Variants in LPAR6 observed in about 807,000 individuals in gnomAD.
The protein encoded by LPAR6 is lysophosphatidic acid receptor 6.
LPAR6 carries 17 observed loss-of-function variants against 22.0 expected under a neutral mutation model. The ratio of observed to expected loss-of-function variants is 0.77; its 90% CI spans 0.53 to 1.16. LPAR6 has a LOEUF of 1.16. LPAR6 is among the 50% of genes most tolerant of loss of function. The pLI, the probability that LPAR6 is intolerant of heterozygous loss-of-function variation, is 0.00. For missense variants in LPAR6, 384 were observed against 406.9 expected (o/e 0.94, Z 0.48); for synonymous variants, 136 against 139.8 (o/e 0.97, Z 0.19).
intron 1 of LPAR6, among the ~76,000 whole-genome samples, chr13:48,434,564 A>C (rs1473944830): frequency 3.3e-5 from 5 of 152,104 alleles, no homozygotes; most frequent in Non-Finnish European, 5.9e-5. Flanking sequence ...AAGTCTCTTT[A>C]ACCCTACAGC....
At chr13:48,391,275 C>T (rs2138159381) in intron 1 of LPAR6, 1 of 152,318 alleles carries the variant, frequency 6.6e-6, no homozygotes, top group African/African-American at 2.4e-5. Context: ...TGTTGTCATA[C>T]ATTTTGCTTC....
At chr13:48,408,377 C>T (rs1355609787), downstream of LPAR6, among the ~76,000 whole-genome samples, 1 of 151,914 alleles carries the variant, frequency 6.6e-6, no homozygotes, top group African/African-American at 2.4e-5. Flanking sequence ...AGCCATTTTT[C>T]CACACCTGAA....
chr13:48,410,811 T>C (rs1204146398), downstream of LPAR6, among the ~76,000 whole-genome samples: 1 of 152,172 alleles, frequency 6.6e-6, no homozygotes, highest in Non-Finnish European at 1.5e-5. Flanking sequence ...CAAAATGTTA[T>C]CAATGTGTTA....
At position 48,411,745 on chromosome 13, in the gene LPAR6, C is replaced by T. The variant is rs1948808413; in HGVS notation, c.679G>A (p.Val227Ile). Residue 227 changes from valine to isoleucine, a missense_variant, in exon 1 of 1, where the codon GTT (valine) becomes ATT (isoleucine). By Grantham distance (29) the Val-to-Ile change is conservative. Coordinates refer to ENST00000620633, the MANE Select transcript of LPAR6 (RefSeq NM_001162498.3). ...AAATGTACAAAAATCATTTTTAAAA[C>T]CTTAGTTTTGTTTATTTTGCTTCTA... ...LSRSKINKTK[V>I]LKMIFVHLII... The T allele has an allele frequency of 6.2e-7, 1 of 1,609,774 alleles. No individual in the cohort carries two copies. The highest frequency in any genetic ancestry group is 1.3e-5 in the African/African-American group (1 of 74,898).
chr13:48,406,067 G>A (rs941294427), downstream of LPAR6, among the ~76,000 whole-genome samples: 8 of 151,204 alleles, frequency 5.3e-5, no homozygotes, highest in Admixed American at 4.0e-4. Flanking sequence ...CCAGTATTTT[G>A]CAATTTCAAC....
downstream of LPAR6, among the ~76,000 whole-genome samples, chr13:48,407,150 T>C (rs751425026): frequency 2.6e-5 from 4 of 152,240 alleles, no homozygotes; most frequent in Non-Finnish European, 4.4e-5. Flanking sequence ...CAACACATAA[T>C]TGTTTCTTAC....
chr13:48,440,773 A>G (rs1949229210), intron 1 of LPAR6, among the ~76,000 whole-genome samples: 1 of 152,182 alleles, frequency 6.6e-6, no homozygotes, highest in Non-Finnish European at 1.5e-5. Flanking sequence ...CTTTTCATTT[A>G]AAAAATTAAT....
intron 1 of LPAR6, among the ~76,000 whole-genome samples, chr13:48,404,684 G>A (rs554172772): frequency 1.3e-4 from 19 of 151,884 alleles, no homozygotes; most frequent in Non-Finnish European, 2.4e-4. Flanking sequence ...GAGACAACGC[G>A]CCCAGATAAT....
intron 1 of LPAR6, among the ~76,000 whole-genome samples, chr13:48,433,357 A>G (rs1217310572): frequency 1.3e-5 from 2 of 152,158 alleles, no homozygotes; most frequent in African/African-American, 4.8e-5. Context: ...TTTTAAAATT[A>G]TCTTTGATTA....
chr13:48,441,621 T>C (rs921135170), intron 1 of LPAR6, among the ~76,000 whole-genome samples: 3 of 152,152 alleles, frequency 2.0e-5, no homozygotes, highest in African/African-American at 4.8e-5. Flanking sequence ...TTTTTAATAG[T>C]GTTGTTTAAT....
At chr13:48,415,126 C>T (rs574956426), upstream of LPAR6, among the ~76,000 whole-genome samples, 1 of 152,080 alleles carries the variant, frequency 6.6e-6, no homozygotes, top group East Asian at 1.9e-4. Flanking sequence ...TCTCATCCTA[C>T]TTTTACTTTC....
upstream of LPAR6, among the ~76,000 whole-genome samples, chr13:48,428,616 A>T (rs1949099884): frequency 6.6e-6 from 1 of 152,256 alleles, no homozygotes; most frequent in Non-Finnish European, 1.5e-5. Context: ...TTTTTAAAAC[A>T]CTAAATTCTA....
downstream of LPAR6, chr13:48,408,624 C>T (rs1471486634): frequency 6.6e-6 from 1 of 151,934 alleles, no homozygotes; most frequent in Non-Finnish European, 1.5e-5. Flanking sequence ...TATGACTTAC[C>T]ACAAAGTACA....
chr13:48,412,361 C>T lies in LPAR6; in HGVS notation c.63G>A (p.Gly21=), dbSNP rs780067410. Reference sequence around the variant, plus strand: ...GCACAAACACCATGCTGAACATGCACCCATACAAAGTGTACTTAAAGGAGT... The same window carrying T: ...GCACAAACACCATGCTGAACATGCATCCATACAAAGTGTACTTAAAGGAGT... ...YNDSFKYTLY[G]CMFSMVFVLG... The change falls in exon 1 of 1, where the codon GGG becomes GGA. Residue 21 remains glycine (G), a synonymous_variant. Transcript: ENST00000620633. 2 of 1,613,614 alleles carry T rather than the reference C, an allele frequency of 1.2e-6. No homozygotes were observed. Among genetic ancestry groups the T allele is most frequent in the Non-Finnish European group, 1.7e-6 (2 of 1,179,732 alleles).
At chr13:48,430,665 AG>A (rs1271321760), upstream of LPAR6, among the ~76,000 whole-genome samples, 3 of 152,060 alleles carry the variant, frequency 2.0e-5, no homozygotes, top group Admixed American at 6.6e-5. Flanking sequence ...GCTTGAACCC[AG>A]GGGGCGGAGG....
chr13:48,396,528 T>G (rs1948649708), intron 1 of LPAR6, among the ~76,000 whole-genome samples: 1 of 152,068 alleles, frequency 6.6e-6, no homozygotes, highest in Non-Finnish European at 1.5e-5. Flanking sequence ...ACATAACACC[T>G]AAAACCATAA....
chr13:48,406,917 G>C (rs372739737), downstream of LPAR6, among the ~76,000 whole-genome samples: 108 of 149,892 alleles, frequency 7.2e-4, no homozygotes, highest in Middle Eastern at 0.01. Context: ...AAACAAACAG[G>C]GTTCTTACCC....
chr13:48,431,966 G>A (rs894454222), intron 1 of LPAR6, among the ~76,000 whole-genome samples: 7 of 152,042 alleles, frequency 4.6e-5, no homozygotes, highest in African/African-American at 1.7e-4. Context: ...TGGGAATATA[G>A]CAGTGAATAA....
At chr13:48,426,779 A>G (rs1566221600) in intron 1 of LPAR6, 1 of 152,164 alleles carries the variant, frequency 6.6e-6, no homozygotes, top group Non-Finnish European at 1.5e-5. Flanking sequence ...ATGTTGTGCT[A>G]GTTCGTTCTT....
Sources: gnomAD v4.1 joint callset for allele counts (sites outside exome capture counted in the v4.1 genomes callset) on GRCh38, gnomAD v4.1.1 for gene constraint, MANE v1.5 for transcripts, NCBI Gene and HGNC (gene_info 2026-07-23, HGNC 2026-07-21) for gene names.